The following ZSWIM9 variants were observed in gnomAD, a reference collection of about 807,000 sequenced individuals.
ZSWIM9 encodes the protein uncharacterized protein ZSWIM9.
A neutral mutation model predicts 25.0 loss-of-function variants in ZSWIM9; 11 were observed. The observed-to-expected ratio is 0.44, with a 90% confidence interval of 0.28 to 0.73. The LOEUF is 0.73. ZSWIM9 is among the 30% of genes least tolerant of loss of function. ZSWIM9 has a pLI of 0.16. For synonymous variants in ZSWIM9, 562 were observed against 582.1 expected (o/e 0.97, Z 0.50); for missense variants, 1,070 against 1,296.5 (o/e 0.83, Z 2.68).
chr19:48,172,797 G>A (rs989787955), intron 2 of ZSWIM9, among the ~76,000 whole-genome samples: 13 of 152,108 alleles, frequency 8.5e-5, no homozygotes, highest in African/African-American at 1.2e-4. Context: ...TTACAGCCGC[G>A]AGCCACTGTG....
chr19:48,178,639 C>T (rs1341306764), intron 2 of ZSWIM9, among the ~76,000 whole-genome samples: 1 of 151,906 alleles, frequency 6.6e-6, no homozygotes, highest in African/African-American at 2.4e-5. Flanking sequence ...TGCAGTGGCG[C>T]GATCTCGGCT....
Position 48,182,669 on chromosome 19 carries a change from G to T in ZSWIM9, c.490G>T (p.Val164Leu), listed in dbSNP as rs766245003. ...ISKQFVAPAD[V>L]RRLLSYCKGR... ...CAAGCAGTTCGTGGCCCCAGCCGAC[G>T]TGCGCCGCCTGCTGTCCTACTGCAA... is the stretch of plus-strand genomic sequence containing the variant. Residue 164 changes from valine to leucine, a missense_variant, in exon 3 of 4, where the codon GTG becomes TTG. Val to Leu is a conservative substitution (Grantham distance 32, BLOSUM62 1). This residue lies in a region of ZSWIM9 where 265 missense variants were observed against 339.0 expected (regional missense o/e 0.78). Transcript: ENST00000614654. The surrounding 1 kb of genome is among the most constrained non-coding windows in gnomAD (Gnocchi z 4.6). 2.0e-6 allele frequency: 3 copies of T among 1,535,786 alleles called. No homozygotes were observed. In the East Asian group the frequency reaches 7.3e-5, roughly 38 times the overall value.
Position 48,196,559 on chromosome 19 carries a change from C to T in ZSWIM9, c.2495C>T (p.Pro832Leu), listed in dbSNP as rs2037168922. 1 of 1,232,558 alleles carries T rather than the reference C, an allele frequency of 8.1e-7. No individual in the cohort carries two copies. The highest frequency in any genetic ancestry group is 1.0e-6 in the Non-Finnish European group (1 of 988,360). 76.4% of individuals were successfully genotyped at this position (1,232,558 alleles called of 1,614,324 possible). The change falls in exon 4 of 4, where the codon CCA (proline) becomes CTA (leucine). Residue 832 changes from proline (P) to leucine (L), a missense_variant. This residue lies in a region of ZSWIM9 where 583 missense variants were observed against 624.7 expected (regional missense o/e 0.93). Coordinates refer to ENST00000614654, the MANE Select transcript of ZSWIM9 (RefSeq NM_199341.4). ...PLAKFRAACGPELADLVAEEL... is the reference protein window; with the variant it reads ...PLAKFRAACGLELADLVAEEL... Reference sequence around the variant, plus strand: ...GCCAAATTCCGAGCAGCCTGCGGGCCAGAGCTGGCAGACCTGGTGGCTGAG... The same window carrying T: ...GCCAAATTCCGAGCAGCCTGCGGGCTAGAGCTGGCAGACCTGGTGGCTGAG...
intron 2 of ZSWIM9, among the ~76,000 whole-genome samples, chr19:48,176,990 G>A (rs1280363666): frequency 1.3e-5 from 2 of 151,986 alleles, no homozygotes; most frequent in African/African-American, 4.8e-5. Flanking sequence ...CAGGAGAATT[G>A]CTTGATCCTG....
intron 3 of ZSWIM9, chr19:48,187,561 A>AT (rs1568579793): frequency 1.7e-4 from 4 of 23,530 alleles, no homozygotes; most frequent in African/African-American, 3.8e-4. Context: ...TATATATTAT[A>AT]TATAATATTA....
chr19:48,183,369 C>T (rs274880), intron 3 of ZSWIM9, among the ~76,000 whole-genome samples: 9,463 of 151,992 alleles, frequency 0.062, 658 homozygotes, highest in East Asian at 0.19. Flanking sequence ...CCTTGTGATC[C>T]GCCCGCCTCG....
chr19:48,195,085 GGCCTGTGGTCGC>G lies in ZSWIM9; in HGVS notation c.1029_1040del (p.Trp343_Leu346del). 1 of 1,412,048 alleles carries G rather than the reference GGCCTGTGGTCGC, an allele frequency of 7.1e-7. No individual in the cohort carries two copies. The highest frequency in any genetic ancestry group is 9.2e-7 in the Non-Finnish European group (1 of 1,092,226). 87.5% of individuals were successfully genotyped at this position (1,412,048 alleles called of 1,614,324 possible). A position where few individuals can be genotyped will look rare whatever the true frequency, so the allele number is the denominator to read the frequency against. ...GGGCGGCGCCGGCCGCGAGGACCCG[GGCCTGTGGTCGC>G]GCCTGTGCCGCCTGGCTGGCGCGTC... On this transcript the variant is annotated inframe_deletion, in exon 4 of 4. Coordinates refer to ENST00000614654, the MANE Select transcript of ZSWIM9 (RefSeq NM_199341.4). The surrounding 1 kb of genome is among the most constrained non-coding windows in gnomAD (Gnocchi z 5.8).
chr19:48,190,131 G>A (rs187084109), intron 3 of ZSWIM9, among the ~76,000 whole-genome samples: 1,638 of 151,700 alleles, frequency 0.011, 31 homozygotes, highest in African/African-American at 0.037. Context: ...TAAACCTGGG[G>A]TGGCGGAGGT....
chr19:48,182,791 CG>C lies in ZSWIM9; in HGVS notation c.588+29del. The C allele has an allele frequency of 5.3e-6, 8 of 1,500,946 alleles. No homozygotes were observed. The highest frequency in any genetic ancestry group is 7.1e-6 in the Non-Finnish European group (8 of 1,123,292). The allele number at this position is 1,500,946 out of a possible 1,614,324, so 93.0% of individuals were successfully genotyped here. ...AGGTGGGGTCTCGAGAGAGGCAGGC[CG>C]GGGGAGGGGGCGGGGGAAAGCCGCG... is the stretch of plus-strand genomic sequence containing the variant. On this transcript the variant is annotated intron_variant, in intron 3 of 3. Coordinates refer to ENST00000614654, the MANE Select transcript of ZSWIM9 (RefSeq NM_199341.4). The surrounding 1 kb of genome is among the most constrained non-coding windows in gnomAD (Gnocchi z 4.6).
At chr19:48,176,114 G>A (rs2036890912) in intron 2 of ZSWIM9, among the ~76,000 whole-genome samples, 1 of 152,168 alleles carries the variant, frequency 6.6e-6, no homozygotes. Context: ...GCTGAGGCAG[G>A]AGAATCACTT....
intron 3 of ZSWIM9, among the ~76,000 whole-genome samples, chr19:48,187,391 T>TATA (rs540157056): frequency 0.01 from 1,113 of 109,360 alleles, 37 homozygotes; most frequent in African/African-American, 0.036. Flanking sequence ...TAATAATTAA[T>TATA]ATATTATATT....
In ZSWIM9 at chr19:48,194,967, G is replaced by A; in HGVS notation, c.903G>A (p.Gln301=). The A allele has an allele frequency of 7.5e-7, 1 of 1,330,904 alleles. No homozygotes were observed. The allele number at this position is 1,330,904 out of a possible 1,614,324, so 82.4% of individuals were successfully genotyped here. A position where few individuals can be genotyped will look rare whatever the true frequency, so the allele number is the denominator to read the frequency against. Residue 301 remains glutamine, a synonymous_variant, in exon 4 of 4, where the codon CAG becomes CAA. Transcript: ENST00000614654. The surrounding 1 kb of genome is among the most constrained non-coding windows in gnomAD (Gnocchi z 6.0). ...CCGCCGGGCCCGAGGTGGCGGCGCA[G>A]TTGCCTGCAGTGCGCCAGCTGCTGC... ...CLTAGPEVAA[Q]LPAVRQLLPC... is the part of the protein sequence containing the mutation.
In ZSWIM9 at chr19:48,182,503, G is replaced by A. The variant is rs1000004962; in HGVS notation, c.324G>A (p.Pro108=). 3.9e-6 allele frequency: 6 copies of A among 1,535,536 alleles called. No individual in the cohort carries two copies. Among genetic ancestry groups the A allele is most frequent in the African/African-American group, 2.7e-5 (2 of 73,000 alleles). The change falls in exon 3 of 4, where the codon CCG becomes CCA. Residue 108 remains proline (P), a synonymous_variant. Transcript: ENST00000614654. This position sits in a 1 kb window ranked among gnomAD's most constrained non-coding sequence, Gnocchi z 4.6. ...CCTTCATCATCGTCAAGCTGAGCCCGCTGCGGGACCGCCTCGTGGTGACGG... is the reference window on the plus strand; with the variant it reads ...CCTTCATCATCGTCAAGCTGAGCCCACTGCGGGACCGCCTCGTGGTGACGG... ...CPAFIIVKLS[P]LRDRLVVTEC...
intron 2 of ZSWIM9, among the ~76,000 whole-genome samples, chr19:48,180,092 C>T (rs1442870452): frequency 6.6e-6 from 1 of 152,168 alleles, no homozygotes; most frequent in Non-Finnish European, 1.5e-5. Flanking sequence ...TCTCGGCTCA[C>T]CGCAACGTCC....
chr19:48,184,323 G>T (rs1314484203), intron 3 of ZSWIM9, among the ~76,000 whole-genome samples: 4 of 152,184 alleles, frequency 2.6e-5, no homozygotes, highest in Admixed American at 6.5e-5. Context: ...GAGCAAGCTT[G>T]TGTTGGAGGA....
In ZSWIM9 at chr19:48,197,492, C is replaced by A; in HGVS notation, c.*665C>A. 1.6e-5 allele frequency: 9 copies of A among 551,060 alleles called. No individual in the cohort carries two copies. Among genetic ancestry groups the A allele is most frequent in the East Asian group, 3.0e-5 (1 of 32,940 alleles). The allele number at this position is 551,060 out of a possible 1,614,324, so 34.1% of individuals were successfully genotyped here. A position where few individuals can be genotyped will look rare whatever the true frequency, so the allele number is the denominator to read the frequency against. On this transcript the variant is annotated 3_prime_UTR_variant, in exon 4 of 4. Transcript: ENST00000614654. ...TTGGTTTTTCTCCAAGACCTGGAGA[C>A]ATCGACCCCCATCGCCTTCTGAAGA...
rs1347598699 is a variant in ZSWIM9, at chr19:48,195,413, G to T, written c.1349G>T (p.Gly450Val). The change falls in exon 4 of 4, where the codon GGG becomes GTG. Residue 450 changes from glycine to valine, a missense_variant. By Grantham distance (109) the Gly-to-Val change is moderately radical. Around this residue, in one of 4 missense-constraint regions of ZSWIM9, gnomAD observed 583 missense variants for 624.7 expected, o/e 0.93. Transcript: ENST00000614654. This position sits in a 1 kb window ranked among gnomAD's most constrained non-coding sequence, Gnocchi z 5.8. ...GCGGTGCCCGAGGGGCCCGATGGCG[G>T]GGGGCCTTGGCTGGAGGATGAGCCA... ...GEAVPEGPDG[G>V]GPWLEDEPGR... 8 of 1,460,612 alleles carry T rather than the reference G, an allele frequency of 5.5e-6. No individual in the cohort carries two copies. In the Admixed American group the frequency reaches 1.8e-4, roughly 33 times the overall value. The allele number at this position is 1,460,612 out of a possible 1,614,324, so 90.5% of individuals were successfully genotyped here. A position where few individuals can be genotyped will look rare whatever the true frequency, so the allele number is the denominator to read the frequency against.
Position 48,182,308 on chromosome 19 carries a change from G to A in ZSWIM9, c.276-147G>A. 1.5e-6 allele frequency: 1 copy of A among 686,158 alleles called. No homozygotes were observed. Among genetic ancestry groups the A allele is most frequent in the Non-Finnish European group, 2.4e-6 (1 of 417,566 alleles). 42.5% of individuals were successfully genotyped at this position (686,158 alleles called of 1,614,324 possible). A position where few individuals can be genotyped will look rare whatever the true frequency, so the allele number is the denominator to read the frequency against. On this transcript the variant is annotated intron_variant, in intron 2 of 3. Transcript: ENST00000614654. This position sits in a 1 kb window ranked among gnomAD's most constrained non-coding sequence, Gnocchi z 4.6. ...TAGAGACTTGAAGTGACTTGCCCCA[G>A]GTCACACAGCTGGCATATTCTTAGG...
chr19:48,194,082 G>T lies in ZSWIM9; in HGVS notation c.589-571G>T, dbSNP rs1278073565. Reference sequence around the variant, plus strand: ...ATCGCAGGGTTCAGAAGTGTTGGGGGTGGGACTCAAAGCTAAATGATCTGC... The same window carrying T: ...ATCGCAGGGTTCAGAAGTGTTGGGGTTGGGACTCAAAGCTAAATGATCTGC... On this transcript the variant is annotated intron_variant, in intron 3 of 3. Transcript: ENST00000614654. This position sits in a 1 kb window ranked among gnomAD's most constrained non-coding sequence, Gnocchi z 6.0. Among the ~76,000 whole-genome samples the T allele has an allele frequency of 1.3e-5, 2 of 152,164 alleles. No homozygotes were observed. The highest frequency in any genetic ancestry group is 4.8e-5 in the African/African-American group (2 of 41,446).
Sources: gnomAD v4.1 joint callset for allele counts (sites outside exome capture counted in the v4.1 genomes callset) on GRCh38, gnomAD v4.1.1 for gene constraint, gnomAD v4.1.1 regional missense constraint, Gnocchi (gnomAD v3.1) non-coding constraint, MANE v1.5 for transcripts, NCBI Gene and HGNC (gene_info 2026-07-23, HGNC 2026-07-21) for gene names.